The following FREM2 variants were observed in gnomAD, a reference collection of about 807,000 sequenced individuals.
The protein encoded by FREM2 is FRAS1 related extracellular matrix 2.
In FREM2, 119 loss-of-function variants were observed where a neutral mutation model predicts 219.9. The observed-to-expected ratio is 0.54, with a 90% CI of 0.47 to 0.63. The LOEUF (loss-of-function observed/expected upper bound fraction) is 0.63, where lower values mean the gene tolerates loss of function less well. Among genes scored for constraint, FREM2 ranks in the 30% least tolerant of loss-of-function variants. FREM2 has a pLI of 0.00. For missense variants in FREM2, 4,030 were observed against 3,993.6 expected, an observed-to-expected ratio of 1.01 and a Z score of -0.25; for synonymous variants, 1,562 against 1,522.8, an observed-to-expected ratio of 1.03 and a Z score of -0.60.
chr13:38,874,446 C>T (rs769488394), intron 17 of FREM2, 36 bp from the exon 18 acceptor site: 1 of 1,520,048 alleles, frequency 6.6e-7, no homozygotes, highest in Admixed American at 1.7e-5. Flanking sequence ...TCTCTGGCTA[C>T]ATATATTTTC....
chr13:38,711,962 C>G (rs1870791193), intron 2 of FREM2, among the ~76,000 whole-genome samples: 1 of 146,760 alleles, frequency 6.8e-6, no homozygotes, highest in South Asian at 2.2e-4. Context: ...CTCTGTTGCC[C>G]AGGCTGGAGT....
intron 2 of FREM2, among the ~76,000 whole-genome samples, chr13:38,711,605 G>A (rs775888501): frequency 2.4e-4 from 36 of 152,038 alleles, no homozygotes; most frequent in Non-Finnish European, 5.1e-4. Flanking sequence ...TTCAAGGAAT[G>A]GATTGTTTTT....
In FREM2 at chr13:38,859,200, G is replaced by A. The variant is rs1174705891; in HGVS notation, c.7216-87G>A. On this transcript the variant is annotated intron_variant, in intron 13 of 23. Transcript: ENST00000280481. ...CATGTGGAAATTGGGGAAAGCAGCAGTGAAAACTCGATGGCAGAGAACGGG... is the reference window on the plus strand; with the variant it reads ...CATGTGGAAATTGGGGAAAGCAGCAATGAAAACTCGATGGCAGAGAACGGG... The A allele has an allele frequency of 9.0e-6, 12 of 1,335,198 alleles. No homozygotes were observed. The East Asian group carries it at 2.8e-4, about 31-fold the overall frequency. The allele number at this position is 1,335,198 out of a possible 1,614,324, so 82.7% of individuals were successfully genotyped here.
intron 2 of FREM2, among the ~76,000 whole-genome samples, chr13:38,757,211 G>A (rs1317338390): frequency 6.6e-6 from 1 of 152,060 alleles, no homozygotes; most frequent in Non-Finnish European, 1.5e-5. Flanking sequence ...TATATACCTG[G>A]GATGGGTATA....
At position 38,863,051 on chromosome 13, in the gene FREM2, A is replaced by G. The variant is rs371513738; in HGVS notation, c.7652-1224A>G. On this transcript the variant is annotated intron_variant, in intron 15 of 23. Coordinates refer to ENST00000280481, the MANE Select transcript of FREM2 (RefSeq NM_207361.6). Reference sequence around the variant, plus strand: ...TTTAATGGTGGTAGTTTTCAACTTTATAAAAATTTTTTTTTTGAGGCAGAG... The same window carrying G: ...TTTAATGGTGGTAGTTTTCAACTTTGTAAAAATTTTTTTTTTGAGGCAGAG... Among the ~76,000 whole-genome samples, 15 of 152,106 alleles carry G rather than the reference A, an allele frequency of 9.9e-5. 1 individual carries two copies. The highest frequency in any genetic ancestry group is 7.9e-4 in the Admixed American group (12 of 15,234).
chr13:38,698,115 T>A (rs968881473), intron 2 of FREM2, among the ~76,000 whole-genome samples: 2 of 152,196 alleles, frequency 1.3e-5, no homozygotes, highest in African/African-American at 2.4e-5. Flanking sequence ...AAGAGGATGT[T>A]GGAATTCAGC....
At chr13:38,863,998 A>G (rs1229751053) in intron 15 of FREM2, among the ~76,000 whole-genome samples, 1 of 151,824 alleles carries the variant, frequency 6.6e-6, no homozygotes, top group East Asian at 1.9e-4. Flanking sequence ...ATGCCCAGCT[A>G]TTGTAATTTT....
Position 38,689,458 on chromosome 13 carries a change from G to A in FREM2, c.2114G>A (p.Ser705Asn). Reference sequence around the variant, plus strand: ...GATCGCCTCCCTCCGGAGCTGGGCAGTGGCTGTCCCCTTCGTATGGTGGTA... The same window carrying A: ...GATCGCCTCCCTCCGGAGCTGGGCAATGGCTGTCCCCTTCGTATGGTGGTA... ...PVDRLPPELG[S>N]GCPLRMVVQE... The change falls in exon 1 of 24, where the codon AGT becomes AAT. Residue 705 changes from serine to asparagine, a missense_variant. Physicochemically the swap from Ser to Asn is conservative, Grantham distance 46. Coordinates refer to ENST00000280481, the MANE Select transcript of FREM2 (RefSeq NM_207361.6). The A allele has an allele frequency of 6.2e-7, 1 of 1,614,096 alleles. No individual in the cohort carries two copies. The highest frequency in any genetic ancestry group is 8.5e-7 in the Non-Finnish European group (1 of 1,180,006).
chr13:38,881,149 G>A lies in FREM2; in HGVS notation c.*362G>A, dbSNP rs990460187. ...TGTAAGAGGAATCTACTGTTGCTAT[G>A]TTAGTGTGAATGTTGAAGGTGCAAT... is the stretch of plus-strand genomic sequence containing the variant. On this transcript the variant is annotated 3_prime_UTR_variant, in exon 24 of 24. Coordinates refer to ENST00000280481, the MANE Select transcript of FREM2 (RefSeq NM_207361.6). The A allele has an allele frequency of 1.6e-5, 5 of 321,104 alleles. No individual in the cohort carries two copies. Among genetic ancestry groups the A allele is most frequent in the African/African-American group, 1.1e-4 (5 of 46,930 alleles). The allele number at this position is 321,104 out of a possible 1,614,324, so 19.9% of individuals were successfully genotyped here.
chr13:38,831,027 G>C (rs996453717), intron 6 of FREM2, among the ~76,000 whole-genome samples: 1 of 152,146 alleles, frequency 6.6e-6, no homozygotes, highest in Admixed American at 6.5e-5. Flanking sequence ...GGTACTTGCA[G>C]TATAGATCTG....
chr13:38,866,271 G>C (rs561277972), intron 16 of FREM2, among the ~76,000 whole-genome samples: 100 of 152,176 alleles, frequency 6.6e-4, no homozygotes, highest in Middle Eastern at 3.4e-3. Flanking sequence ...GAGGCGGGCA[G>C]ATCACCTGAG....
At chr13:38,877,068 C>T (rs769565469) in intron 20 of FREM2, 49 bp from the exon 21 acceptor site, 4 of 1,604,492 alleles carry the variant, frequency 2.5e-6, no homozygotes, top group East Asian at 2.2e-5. Context: ...TATGTTTGTG[C>T]ACCATCAGAA....
At chr13:38,770,825 G>T (rs1461961709) in intron 4 of FREM2, among the ~76,000 whole-genome samples, 1 of 151,812 alleles carries the variant, frequency 6.6e-6, no homozygotes, top group Non-Finnish European at 1.5e-5. Flanking sequence ...TACTTCTACA[G>T]TCCTGGCTTG....
chr13:38,720,900 A>G (rs1032725997), intron 2 of FREM2, among the ~76,000 whole-genome samples: 8 of 152,198 alleles, frequency 5.3e-5, no homozygotes, highest in Non-Finnish European at 7.3e-5. Flanking sequence ...ACTCTCCTCA[A>G]TATGGATCCT....
chr13:38,797,792 C>A (rs867439575), intron 6 of FREM2, among the ~76,000 whole-genome samples: 5 of 151,872 alleles, frequency 3.3e-5, no homozygotes, highest in Admixed American at 6.6e-5. Context: ...TTTAATCCAT[C>A]TTGACTTGAT....
intron 2 of FREM2, among the ~76,000 whole-genome samples, chr13:38,732,411 TTTA>T (rs1375282282): frequency 2.0e-5 from 3 of 152,206 alleles, no homozygotes; most frequent in Non-Finnish European, 4.4e-5. Flanking sequence ...CATTTTGTGA[TTTA>T]TTTTTACTTA....
intron 6 of FREM2, among the ~76,000 whole-genome samples, chr13:38,794,596 TC>T (rs1414151524): frequency 3.9e-5 from 6 of 152,202 alleles, no homozygotes; most frequent in Admixed American, 6.5e-5. Context: ...TTTATTAATG[TC>T]TAAGCTTCAG....
intron 2 of FREM2, among the ~76,000 whole-genome samples, chr13:38,747,072 A>G (rs567824470): frequency 5.3e-5 from 8 of 152,162 alleles, no homozygotes; most frequent in East Asian, 1.9e-4. Context: ...TGTACATTCT[A>G]TCAGGTATTT....
At chr13:38,836,474 G>T (rs1876712142) in intron 6 of FREM2, among the ~76,000 whole-genome samples, 1 of 152,108 alleles carries the variant, frequency 6.6e-6, no homozygotes. Context: ...GAGTTAAGGA[G>T]GAGTCCCTCC....
Sources: allele counts gnomAD v4.1 joint callset (sites outside exome capture counted in the v4.1 genomes callset), GRCh38; gene constraint gnomAD v4.1.1; transcripts MANE v1.5; gene names NCBI Gene and HGNC (gene_info 2026-07-23, HGNC 2026-07-21).